ACER1: variants seen among roughly 807,000 people sequenced by gnomAD.
The protein encoded by ACER1 is alkaline ceramidase 1, also known as CTB-180A7.3.
A neutral mutation model predicts 24.9 loss-of-function variants in ACER1; 28 were observed. The ratio of observed to expected loss-of-function variants is 1.13; its 90% CI spans 0.83 to 1.54. The LOEUF is 1.54. ACER1 is among the 40% of genes most tolerant of loss of function. The pLI is 0.00. For missense variants in ACER1, 352 were observed against 349.3 expected (o/e 1.01, Z -0.06); for synonymous variants, 132 against 131.4 (o/e 1.00, Z -0.03).
the ACER1 span, among the ~76,000 whole-genome samples, chr19:6,349,706 G>A: frequency 2.6e-5 from 4 of 152,142 alleles, no homozygotes; most frequent in Admixed American, 2.6e-4. Flanking sequence ...GTCACTGGCT[G>A]TGGGCTGCCC....
At chr19:6,326,013 G>A (rs2091659463) in intron 1 of ACER1, among the ~76,000 whole-genome samples, 2 of 150,478 alleles carry the variant, frequency 1.3e-5, no homozygotes, top group Admixed American at 1.3e-4. Context: ...GGAGTGAAGT[G>A]GTGTGATCAT....
chr19:6,328,833 ATT>A (rs147803168), intron 1 of ACER1, among the ~76,000 whole-genome samples: 1 of 145,374 alleles, frequency 6.9e-6, no homozygotes, highest in Non-Finnish European at 1.5e-5. Flanking sequence ...TGCCTGGCTA[ATT>A]TTTTTTTTTT....
At chr19:6,317,284 C>A (rs562304882) in intron 1 of ACER1, among the ~76,000 whole-genome samples, 38 of 152,032 alleles carry the variant, frequency 2.5e-4, no homozygotes, top group Non-Finnish European at 5.1e-4. Context: ...CCAGTTATTC[C>A]TTTATAGCAA....
Position 6,306,805 on chromosome 19 carries a change from C to T in ACER1, c.704G>A (p.Gly235Asp), listed in dbSNP as rs1568307154. 2 of 1,614,168 alleles carry T rather than the reference C, an allele frequency of 1.2e-6. No homozygotes were observed. Among genetic ancestry groups the T allele is most frequent in the African/African-American group, 2.7e-5 (2 of 75,054 alleles). The change falls in exon 6 of 6, where the codon GGT becomes GAT. Residue 235 changes from glycine to aspartate, a missense_variant. Gly to Asp is a moderately conservative substitution (Grantham distance 94). Coordinates refer to ENST00000301452, the MANE Select transcript of ACER1 (RefSeq NM_133492.3). ...ALVDANYEMP[G>D]ETLKVRYWPR... ...CCAGTAGCGGACTTTGAGGGTTTCACCTGGCATCTCATAGTTGGCATCCAC... is the reference window on the plus strand; with the variant it reads ...CCAGTAGCGGACTTTGAGGGTTTCATCTGGCATCTCATAGTTGGCATCCAC...
rs775943166 is a variant in ACER1 at position 6,309,717 on chromosome 19, G to T, written c.468C>A (p.Ile156=). 8.1e-6 allele frequency: 13 copies of T among 1,613,860 alleles called. No individual in the cohort carries two copies. The highest frequency in any genetic ancestry group is 6.7e-5 in the East Asian group (3 of 44,880). Residue 156 remains isoleucine (I), a synonymous_variant, in exon 4 of 6, where the codon ATC becomes ATA. Transcript: ENST00000301452. Reference sequence around the variant, plus strand: ...CTCACTTCCTGTACTCCTGGCACACGATGTAGAGAATGTGCAGGGCAATGC... The same window carrying T: ...CTCACTTCCTGTACTCCTGGCACACTATGTAGAGAATGTGCAGGGCAATGC... ...LNSIALHILY[I]VCQEYRKTSN...
chr19:6,327,601 A>T lies in ACER1; in HGVS notation c.93+5858T>A, dbSNP rs939805422. ...ATAAATAAATAATAATAAAATAAAA[A>T]TAAAATAAAATAAAATAAAATAAAT... On this transcript the variant is annotated intron_variant, in intron 1 of 5. Transcript: ENST00000301452. Among the ~76,000 whole-genome samples, 4 of 149,220 alleles carry T rather than the reference A, an allele frequency of 2.7e-5. No individual in the cohort carries two copies. In the East Asian group the frequency reaches 7.8e-4, roughly 29 times the overall value.
chr19:6,355,201 G>A, the ACER1 span, among the ~76,000 whole-genome samples: 1 of 151,998 alleles, frequency 6.6e-6, no homozygotes, highest in Non-Finnish European at 1.5e-5. Context: ...CGCCTGCCTT[G>A]GCCTCCCAAA....
At chr19:6,313,407 T>C (rs929023340) in intron 1 of ACER1, among the ~76,000 whole-genome samples, 2 of 152,212 alleles carry the variant, frequency 1.3e-5, no homozygotes, top group African/African-American at 4.8e-5. Flanking sequence ...TATGAACCAC[T>C]GCACCCAGCC....
At chr19:6,324,904 G>GAAGGAAGGAAGGAAGA (rs2091653221) in intron 1 of ACER1, among the ~76,000 whole-genome samples, 6 of 150,778 alleles carry the variant, frequency 4.0e-5, no homozygotes, top group African/African-American at 1.2e-4. Flanking sequence ...AGGAAGGAAG[G>GAAGGAAGGAAGGAAGA]AAGGAAGGAG....
chr19:6,316,090 T>A (rs2091602006), intron 1 of ACER1, among the ~76,000 whole-genome samples: 1 of 152,018 alleles, frequency 6.6e-6, no homozygotes, highest in Non-Finnish European at 1.5e-5. Flanking sequence ...ATTGTTGCAC[T>A]GCACTCCAGC....
chr19:6,345,564 TC>T, the ACER1 span, among the ~76,000 whole-genome samples: 3 of 132,170 alleles, frequency 2.3e-5, no homozygotes, highest in Non-Finnish European at 4.5e-5. Context: ...GGTATTAGAT[TC>T]TTTTTTTTTT....
chr19:6,306,456 G>T lies in ACER1; in HGVS notation c.*258C>A, dbSNP rs529723803. Reference sequence around the variant, plus strand: ...ACTGGGAGGCTGTGGACACAGAGGAGGAAATGAAAGAGGATGGGGGGGGTC... The same window carrying T: ...ACTGGGAGGCTGTGGACACAGAGGATGAAATGAAAGAGGATGGGGGGGGTC... On this transcript the variant is annotated 3_prime_UTR_variant, in exon 6 of 6. Transcript: ENST00000301452. 4 of 436,794 alleles carry T rather than the reference G, an allele frequency of 9.2e-6. No individual in the cohort carries two copies. The Admixed American group carries it at 1.1e-4, about 12-fold the overall frequency. The allele number at this position is 436,794 out of a possible 1,614,324, so 27.1% of individuals were successfully genotyped here.
the ACER1 span, among the ~76,000 whole-genome samples, chr19:6,341,171 G>T: frequency 6.7e-6 from 1 of 149,814 alleles, no homozygotes; most frequent in Non-Finnish European, 1.5e-5. Context: ...CGCGATCTCG[G>T]CTCACTGTAA....
At position 6,307,663 on chromosome 19, in the gene ACER1, T is replaced by C. The variant is rs899118687; in HGVS notation, c.489-373A>G. 8.0e-5 allele frequency among the ~76,000 whole-genome samples: 12 copies of C among 150,572 alleles called. No homozygotes were observed. In the South Asian group the frequency reaches 1.5e-3, roughly 18 times the overall value. ...AAAATTAGCCAGGCATGATGGTGCA[T>C]GCCTGCAGTTCCGGTTACTCGGGAG... On this transcript the variant is annotated intron_variant, in intron 4 of 5. Coordinates refer to ENST00000301452, the MANE Select transcript of ACER1 (RefSeq NM_133492.3).
intron 1 of ACER1, among the ~76,000 whole-genome samples, chr19:6,313,122 A>G (rs898867997): frequency 2.0e-5 from 3 of 151,220 alleles, no homozygotes; most frequent in Admixed American, 2.0e-4. Flanking sequence ...TACTTTTTCT[A>G]TTTATTTATT....
upstream of ACER1, among the ~76,000 whole-genome samples, chr19:6,334,693 C>T (rs2145023529): frequency 6.6e-6 from 1 of 151,208 alleles, no homozygotes. Context: ...AGTGAATTTA[C>T]CTCTCTGATC....
At chr19:6,325,195 C>T (rs900380758) in intron 1 of ACER1, among the ~76,000 whole-genome samples, 1 of 152,184 alleles carries the variant, frequency 6.6e-6, no homozygotes, top group Admixed American at 6.6e-5. Flanking sequence ...CCAGGGCTCT[C>T]AGGACAGAGC....
At chr19:6,309,618 C>T (rs1169291279) in intron 4 of ACER1, 79 bp downstream of exon 4, 1 of 1,576,894 alleles carries the variant, frequency 6.3e-7, no homozygotes, top group Admixed American at 1.7e-5. Context: ...GAAGGGACGT[C>T]CCCTCCGCGA....
chr19:6,326,482 C>T (rs1434981742), intron 1 of ACER1, among the ~76,000 whole-genome samples: 2 of 151,500 alleles, frequency 1.3e-5, no homozygotes, highest in African/African-American at 2.4e-5. Context: ...CCAGGCTGGT[C>T]TGAAACTCCT....
Sources: allele counts gnomAD v4.1 joint callset (sites outside exome capture counted in the v4.1 genomes callset), GRCh38; gene constraint gnomAD v4.1.1; transcripts MANE v1.5; gene names NCBI Gene and HGNC (gene_info 2026-07-23, HGNC 2026-07-21).